Variants in WWC2 observed in about 807,000 individuals in gnomAD.
WWC2 encodes the protein protein WWC2.
In WWC2, 101 loss-of-function variants were observed where a neutral mutation model predicts 138.5. The ratio of observed to expected loss-of-function variants is 0.73; its 90% CI spans 0.62 to 0.86. The LOEUF (loss-of-function observed/expected upper bound fraction) is 0.86, where lower values mean the gene tolerates loss of function less well. Among genes scored for constraint, WWC2 ranks in the 40% least tolerant of loss-of-function variants. WWC2 has a pLI of 0.00. For missense variants in WWC2, 1,420 were observed against 1,419.4 expected (o/e 1.00, Z -0.01); for synonymous variants, 558 against 538.4 (o/e 1.04, Z -0.50).
intron 16 of WWC2, among the ~76,000 whole-genome samples, chr4:183,280,529 A>C (rs1390978072): frequency 1.3e-5 from 2 of 151,932 alleles, no homozygotes; most frequent in Non-Finnish European, 2.9e-5. Flanking sequence ...GGCTCACCTT[A>C]TTATATTTCT....
At chr4:183,188,531 C>T (rs1452570297) in intron 1 of WWC2, among the ~76,000 whole-genome samples, 1 of 152,078 alleles carries the variant, frequency 6.6e-6, no homozygotes, top group Non-Finnish European at 1.5e-5. Flanking sequence ...AGCCACTGCA[C>T]GTGGCCCATT....
intron 1 of WWC2, among the ~76,000 whole-genome samples, chr4:183,190,059 A>G (rs1395829711): frequency 6.6e-6 from 1 of 152,230 alleles, no homozygotes; most frequent in Non-Finnish European, 1.5e-5. Flanking sequence ...CGTTTTCTTC[A>G]TAATATGAAA....
chr4:183,317,045 G>A lies in WWC2; in HGVS notation c.*1316G>A, dbSNP rs983706498. ...GGCTTTTAAAATATGTAGTATTTAG[G>A]CCATTTAAACCATACTTATTACTCA... is the stretch of plus-strand genomic sequence containing the variant. On this transcript the variant is annotated 3_prime_UTR_variant, in exon 23 of 23. Transcript: ENST00000403733. The A allele has an allele frequency of 6.6e-6, 1 of 151,984 alleles. No homozygotes were observed. The highest frequency in any genetic ancestry group is 2.4e-5 in the African/African-American group (1 of 41,372). The allele number at this position is 151,984 out of a possible 1,614,324, so 9.4% of individuals were successfully genotyped here.
chr4:183,217,905 A>G (rs767128522), intron 4 of WWC2, among the ~76,000 whole-genome samples: 9 of 152,120 alleles, frequency 5.9e-5, no homozygotes, highest in African/African-American at 1.9e-4. Context: ...AGGAAATTCA[A>G]CAAACCCAAG....
chr4:183,281,041 T>C (rs780775773), intron 17 of WWC2, 144 bp downstream of exon 17: 169 of 1,238,710 alleles, frequency 1.4e-4, no homozygotes, highest in Middle Eastern at 2.0e-4. Context: ...GAAAAGTCTT[T>C]CCTTGGTCAT....
At chr4:183,221,139 G>A (rs998342843) in intron 4 of WWC2, among the ~76,000 whole-genome samples, 31 of 152,238 alleles carry the variant, frequency 2.0e-4, no homozygotes, top group Middle Eastern at 3.4e-3. Context: ...ATACAAATCC[G>A]AAGAATGTTG....
Position 183,099,558 on chromosome 4 carries a change from G to C in WWC2, c.67G>C (p.Asp23His). 1.4e-6 allele frequency: 2 copies of C among 1,423,558 alleles called. No individual in the cohort carries two copies. The highest frequency in any genetic ancestry group is 1.9e-6 in the Non-Finnish European group (2 of 1,072,702). 88.2% of individuals were successfully genotyped at this position (1,423,558 alleles called of 1,614,324 possible). Residue 23 changes from aspartate (D) to histidine (H), a missense_variant, in exon 1 of 23, where the codon GAC (aspartate) becomes CAC (histidine). Transcript: ENST00000403733. ...PRGWEEARDY[D>H]GKVFYIDHNT... is the part of the protein sequence containing the mutation. ...GGGCTGGGAGGAGGCCAGGGACTACGACGGCAAGGTCTTCTACATTGACCA... is the reference window on the plus strand; with the variant it reads ...GGGCTGGGAGGAGGCCAGGGACTACCACGGCAAGGTCTTCTACATTGACCA...
At chr4:183,118,808 C>T (rs1579955601) in intron 1 of WWC2, among the ~76,000 whole-genome samples, 3 of 152,112 alleles carry the variant, frequency 2.0e-5, no homozygotes, top group African/African-American at 7.2e-5. Flanking sequence ...AGTAGCCAAG[C>T]GTTGAGTCCT....
chr4:183,113,515 T>TGTGTGTGTGTGCGC (rs371819502), intron 1 of WWC2, among the ~76,000 whole-genome samples: 2 of 126,642 alleles, frequency 1.6e-5, no homozygotes, highest in African/African-American at 6.0e-5. Context: ...TGTGTGTGTG[T>TGTGTGTGTGTGCGC]GCGCGCGCGT....
rs1409114350 is a variant in WWC2 at position 183,187,620 on chromosome 4, C to T, written c.132-5979C>T. ...GTGCGGTGGCTCACACCTGTAATCC[C>T]AGCACTTTGGGAGGCCAAGGTGGGT... On this transcript the variant is annotated intron_variant, in intron 1 of 22. Coordinates refer to ENST00000403733, the MANE Select transcript of WWC2 (RefSeq NM_024949.6). Among the ~76,000 whole-genome samples the T allele has an allele frequency of 1.7e-4, 26 of 149,960 alleles. 1 individual carries two copies. The highest frequency in any genetic ancestry group is 9.3e-4 in the Admixed American group (14 of 15,044).
intron 1 of WWC2, among the ~76,000 whole-genome samples, chr4:183,104,087 G>A (rs1253422888): frequency 6.6e-6 from 1 of 151,656 alleles, no homozygotes; most frequent in Non-Finnish European, 1.5e-5. Context: ...AGCCTCCCGA[G>A]TAGCTGGGAT....
intron 18 of WWC2, 33 bp downstream of exon 18, chr4:183,282,939 T>C (rs763804306): frequency 1.3e-6 from 2 of 1,534,058 alleles, no homozygotes; most frequent in Admixed American, 2.0e-5. Context: ...TTAAAACTGA[T>C]ACCTTACAGG....
At chr4:183,278,429 T>A (rs1279041518) in intron 16 of WWC2, among the ~76,000 whole-genome samples, 1 of 152,174 alleles carries the variant, frequency 6.6e-6, no homozygotes, top group African/African-American at 2.4e-5. Flanking sequence ...CCAGCTTTGT[T>A]CTTTTGGCTT....
intron 19 of WWC2, 41 bp from the exon 20 acceptor site, chr4:183,285,922 CTGTT>C (rs1195640246): frequency 2.0e-6 from 3 of 1,522,488 alleles, no homozygotes; most frequent in African/African-American, 1.4e-5. Context: ...CACTTGCACT[CTGTT>C]TGATATGCAG....
chr4:183,268,916 G>A (rs991758175), intron 14 of WWC2, 55 bp from the exon 15 acceptor site: 4 of 1,481,872 alleles, frequency 2.7e-6, no homozygotes, highest in South Asian at 2.6e-5. Context: ...TGATAGCTGT[G>A]AATCTGGTAT....
chr4:183,139,528 T>C (rs986249451), intron 1 of WWC2, among the ~76,000 whole-genome samples: 14 of 152,154 alleles, frequency 9.2e-5, no homozygotes, highest in African/African-American at 3.4e-4. Flanking sequence ...ACAGTCATTG[T>C]GTACTTCTTT....
At chr4:183,293,932 T>C (rs1050322306) in intron 21 of WWC2, among the ~76,000 whole-genome samples, 9 of 152,238 alleles carry the variant, frequency 5.9e-5, no homozygotes, top group African/African-American at 1.9e-4. Context: ...TCATGGAGAA[T>C]TTATTACATC....
chr4:183,099,569 CT>C lies in WWC2; in HGVS notation c.80del (p.Phe27SerfsTer19). 1 of 1,417,878 alleles carries C rather than the reference CT, an allele frequency of 7.1e-7. No homozygotes were observed. Among genetic ancestry groups the C allele is most frequent in the East Asian group, 3.2e-5 (1 of 31,386 alleles). 87.8% of individuals were successfully genotyped at this position (1,417,878 alleles called of 1,614,324 possible). A position where few individuals can be genotyped will look rare whatever the true frequency, so the allele number is the denominator to read the frequency against. Reference protein sequence around the residue: ...EEARDYDGKVFYIDHNTRRTS... With the variant: ...EEARDYDGKVXYIDHNTRRTS... ...AGGCCAGGGACTACGACGGCAAGGTCTTCTACATTGACCACAACACCAGGAG... is the reference window on the plus strand; with the variant it reads ...AGGCCAGGGACTACGACGGCAAGGTCTCTACATTGACCACAACACCAGGAG... On this transcript the variant is annotated frameshift_variant, in exon 1 of 23. Coordinates refer to ENST00000403733, the MANE Select transcript of WWC2 (RefSeq NM_024949.6). LOFTEE classifies it high-confidence loss of function.
intron 21 of WWC2, among the ~76,000 whole-genome samples, chr4:183,299,258 C>G (rs1452314071): frequency 1.3e-5 from 2 of 151,996 alleles, no homozygotes; most frequent in South Asian, 2.1e-4. Context: ...TCTCAAAGGT[C>G]CCACCTCTCA....
Sources: gnomAD v4.1 joint callset for allele counts (sites outside exome capture counted in the v4.1 genomes callset) on GRCh38, gnomAD v4.1.1 for gene constraint, MANE v1.5 for transcripts, NCBI Gene and HGNC (gene_info 2026-07-23, HGNC 2026-07-21) for gene names.